PDE3A: variants seen among roughly 807,000 people sequenced by gnomAD.
The protein encoded by PDE3A is phosphodiesterase 3A.
In PDE3A, 43 loss-of-function variants were observed where a neutral mutation model predicts 98.3. That is an observed-to-expected ratio of 0.44 (90% CI 0.34 to 0.56). The LOEUF (loss-of-function observed/expected upper bound fraction) is 0.56. Ranked by LOEUF, PDE3A falls within the 20% of genes least tolerant of loss-of-function variation. PDE3A has a pLI of 0.01. For synonymous variants in PDE3A, 663 were observed against 567.9 expected (o/e 1.17, Z -2.38); for missense variants, 1,427 against 1,440.7 (o/e 0.99, Z 0.15).
At chr12:20,671,598 C>A (rs1171591193) in intron 15 of PDE3A, among the ~76,000 whole-genome samples, 2 of 151,312 alleles carry the variant, frequency 1.3e-5, no homozygotes, top group Non-Finnish European at 2.9e-5. Flanking sequence ...AAGACAAAAA[C>A]CAAATGATTA....
At chr12:20,374,621 T>C (rs1323226703) in intron 1 of PDE3A, among the ~76,000 whole-genome samples, 1 of 152,028 alleles carries the variant, frequency 6.6e-6, no homozygotes, top group Non-Finnish European at 1.5e-5. Flanking sequence ...AAATAATCTC[T>C]TCAGAGCGCT....
chr12:20,541,755 TAAAC>T (rs1490784562), intron 1 of PDE3A, among the ~76,000 whole-genome samples: 1 of 152,080 alleles, frequency 6.6e-6, no homozygotes, highest in Non-Finnish European at 1.5e-5. Context: ...GGTTTTATTG[TAAAC>T]AAACCTCTGA....
chr12:20,439,248 G>T (rs1439506788), intron 1 of PDE3A, among the ~76,000 whole-genome samples: 1 of 152,052 alleles, frequency 6.6e-6, no homozygotes, highest in Non-Finnish European at 1.5e-5. Flanking sequence ...AGAGCAGAAA[G>T]GTTCACTTTT....
chr12:20,660,857 A>G (rs1289804714), intron 15 of PDE3A, among the ~76,000 whole-genome samples: 3 of 152,130 alleles, frequency 2.0e-5, no homozygotes, highest in Non-Finnish European at 4.4e-5. Flanking sequence ...AAATGGACGA[A>G]TACAGTAAAT....
chr12:20,437,655 C>T (rs535667587), intron 1 of PDE3A, among the ~76,000 whole-genome samples: 1 of 152,234 alleles, frequency 6.6e-6, no homozygotes, highest in South Asian at 2.1e-4. Flanking sequence ...GGAGAACAAA[C>T]TTACTAATAT....
At chr12:20,644,336 C>G (rs966552854) in intron 10 of PDE3A, among the ~76,000 whole-genome samples, 3 of 152,160 alleles carry the variant, frequency 2.0e-5, no homozygotes, top group Non-Finnish European at 4.4e-5. Context: ...AATGTTTACA[C>G]AAATTACAAA....
At chr12:20,395,003 A>G (rs1943982791) in intron 1 of PDE3A, among the ~76,000 whole-genome samples, 1 of 152,114 alleles carries the variant, frequency 6.6e-6, no homozygotes, top group Non-Finnish European at 1.5e-5. Context: ...CCATATGGAA[A>G]GAAGGATGGA....
intron 1 of PDE3A, among the ~76,000 whole-genome samples, chr12:20,401,646 T>G (rs1340702834): frequency 6.6e-6 from 1 of 152,192 alleles, no homozygotes; most frequent in East Asian, 1.9e-4. Flanking sequence ...TTCTACCTGC[T>G]TCACGATGTG....
chr12:20,482,577 C>T (rs1021380136), intron 1 of PDE3A, among the ~76,000 whole-genome samples: 6 of 152,112 alleles, frequency 3.9e-5, no homozygotes, highest in African/African-American at 1.4e-4. Flanking sequence ...AAGTTTTTTT[C>T]TCAATGGACA....
At chr12:20,670,101 A>G (rs1460822762) in intron 15 of PDE3A, among the ~76,000 whole-genome samples, 1 of 150,140 alleles carries the variant, frequency 6.7e-6, no homozygotes, top group Non-Finnish European at 1.5e-5. Context: ...GAGACAAAGA[A>G]GGCCATTACA....
intron 5 of PDE3A, among the ~76,000 whole-genome samples, chr12:20,626,293 A>C (rs1944262683): frequency 6.6e-6 from 1 of 151,870 alleles, no homozygotes; most frequent in African/African-American, 2.4e-5. Context: ...ACGGTCTTCA[A>C]AATATGCATG....
In PDE3A at chr12:20,680,433, G is replaced by C; in HGVS notation, c.*162G>C. 2.7e-6 allele frequency: 2 copies of C among 740,076 alleles called. No individual in the cohort carries two copies. The highest frequency in any genetic ancestry group is 4.2e-5 in the South Asian group (2 of 47,178). 45.8% of individuals were successfully genotyped at this position (740,076 alleles called of 1,614,324 possible). A position where few individuals can be genotyped will look rare whatever the true frequency, so the allele number is the denominator to read the frequency against. ...TTTGTGTGTATATTTTTACAGTGAGGTACATTGTTAAAAACTTTTTGCTCA... is the reference window on the plus strand; with the variant it reads ...TTTGTGTGTATATTTTTACAGTGAGCTACATTGTTAAAAACTTTTTGCTCA... On this transcript the variant is annotated 3_prime_UTR_variant, in exon 16 of 16. Coordinates refer to ENST00000359062, the MANE Select transcript of PDE3A (RefSeq NM_000921.5).
chr12:20,597,192 G>A (rs936579237), intron 2 of PDE3A, among the ~76,000 whole-genome samples: 1 of 152,140 alleles, frequency 6.6e-6, no homozygotes, highest in Non-Finnish European at 1.5e-5. Flanking sequence ...ACACCTACCT[G>A]CCCTATATGT....
chr12:20,531,064 C>A (rs998579815), intron 1 of PDE3A, among the ~76,000 whole-genome samples: 6 of 152,100 alleles, frequency 3.9e-5, no homozygotes, highest in African/African-American at 1.4e-4. Flanking sequence ...AGAGGGTTCC[C>A]CCTATCAGGA....
chr12:20,495,015 C>A (rs1275867699), intron 1 of PDE3A, among the ~76,000 whole-genome samples: 1 of 152,098 alleles, frequency 6.6e-6, no homozygotes, highest in Non-Finnish European at 1.5e-5. Flanking sequence ...GATTCTGAAT[C>A]ATTATTTATT....
chr12:20,633,615 A>G lies in PDE3A; in HGVS notation c.1761-78A>G, dbSNP rs190568751. ...TATTTGACTATTGTTGTTTATCTTA[A>G]TGTATACATAGATGGTATGTGCCTA... On this transcript the variant is annotated intron_variant, in intron 6 of 15. Coordinates refer to ENST00000359062, the MANE Select transcript of PDE3A (RefSeq NM_000921.5). The G allele has an allele frequency of 1.8e-4, 118 of 641,632 alleles. No homozygotes were observed. The Admixed American group carries it at 2.5e-3, about 14-fold the overall frequency. The allele number at this position is 641,632 out of a possible 1,614,324, so 39.7% of individuals were successfully genotyped here. A position where few individuals can be genotyped will look rare whatever the true frequency, so the allele number is the denominator to read the frequency against.
intron 15 of PDE3A, among the ~76,000 whole-genome samples, chr12:20,676,767 G>T (rs1465055618): frequency 3.3e-5 from 5 of 152,090 alleles, no homozygotes; most frequent in African/African-American, 7.2e-5. Flanking sequence ...CGAAAGTGCT[G>T]GGATTACAGG....
intron 2 of PDE3A, among the ~76,000 whole-genome samples, chr12:20,611,311 T>A (rs528032208): frequency 2.0e-5 from 3 of 152,064 alleles, no homozygotes; most frequent in Admixed American, 2.0e-4. Context: ...TCATATTGGT[T>A]CATAAGAGAT....
intron 1 of PDE3A, among the ~76,000 whole-genome samples, chr12:20,458,743 G>T (rs758867521): frequency 5.9e-5 from 9 of 152,082 alleles, no homozygotes; most frequent in Non-Finnish European, 1.0e-4. Flanking sequence ...CTGAGAGTCA[G>T]AAACATAAGA....
Sources: allele counts gnomAD v4.1 joint callset (sites outside exome capture counted in the v4.1 genomes callset), GRCh38; gene constraint gnomAD v4.1.1; transcripts MANE v1.5; gene names NCBI Gene and HGNC (gene_info 2026-07-23, HGNC 2026-07-21).